The following DLG2 variants were observed in gnomAD, a reference collection of about 807,000 sequenced individuals.
DLG2 encodes the protein discs large MAGUK scaffold protein 2.
In DLG2, 45 loss-of-function variants were observed where a neutral mutation model predicts 132.5. The ratio of observed to expected loss-of-function variants is 0.34; its 90% CI spans 0.27 to 0.44. DLG2 has a LOEUF of 0.44. DLG2 is among the 20% of genes least tolerant of loss of function. The probability of loss-of-function intolerance (pLI) is 1.00; values close to 1 mark genes in which losing one functional copy is unlikely to be tolerated. For synonymous variants in DLG2, 424 were observed against 419.6 expected, an observed-to-expected ratio of 1.01 and a Z score of -0.13; for missense variants, 1,045 against 1,196.9, an observed-to-expected ratio of 0.87 and a Z score of 1.87.
At chr11:85,013,273 A>G (rs773146521) in intron 6 of DLG2, among the ~76,000 whole-genome samples, 1 of 152,152 alleles carries the variant, frequency 6.6e-6, no homozygotes, top group Non-Finnish European at 1.5e-5. Context: ...CTTTCAAGAT[A>G]GTCTCAAAAG....
chr11:83,813,515 C>T (rs1453759946), intron 17 of DLG2, among the ~76,000 whole-genome samples: 1 of 152,086 alleles, frequency 6.6e-6, no homozygotes, highest in Non-Finnish European at 1.5e-5. Context: ...TTTCACTCCA[C>T]CCACAGTGCT....
chr11:85,179,224 C>G (rs1246914934), intron 4 of DLG2, among the ~76,000 whole-genome samples: 1 of 151,706 alleles, frequency 6.6e-6, no homozygotes, highest in East Asian at 1.9e-4. Context: ...AAGCTTATAG[C>G]CAGCTAAATT....
chr11:85,517,327 T>C (rs1320504354), intron 3 of DLG2, among the ~76,000 whole-genome samples: 1 of 152,100 alleles, frequency 6.6e-6, no homozygotes, highest in Non-Finnish European at 1.5e-5. Context: ...GCCAATGTCA[T>C]ACTGAATGTG....
intron 6 of DLG2, among the ~76,000 whole-genome samples, chr11:85,059,420 A>T (rs1216790470): frequency 6.6e-6 from 1 of 151,592 alleles, no homozygotes; most frequent in Non-Finnish European, 1.5e-5. Flanking sequence ...CAGTTGAATA[A>T]ATGAAGGCAT....
At chr11:84,781,468 G>T (rs2071761974) in intron 6 of DLG2, among the ~76,000 whole-genome samples, 1 of 151,818 alleles carries the variant, frequency 6.6e-6, no homozygotes, top group Non-Finnish European at 1.5e-5. Context: ...TCTGTTTCAA[G>T]CTTTGTGGTA....
chr11:83,656,826 T>C (rs190825666), intron 18 of DLG2, among the ~76,000 whole-genome samples: 62 of 152,316 alleles, frequency 4.1e-4, no homozygotes, highest in Non-Finnish European at 8.7e-4. Context: ...GCTTAGGTTG[T>C]CAACCCCTTT....
At chr11:83,472,618 G>T in intron 23 of DLG2, 109 bp downstream of exon 23, 1 of 911,312 alleles carries the variant, frequency 1.1e-6, no homozygotes, top group South Asian at 1.6e-5. Context: ...CAAGACAACA[G>T]AGCATTAAGC....
chr11:84,830,352 A>T (rs1241481582), intron 6 of DLG2, among the ~76,000 whole-genome samples: 1 of 150,816 alleles, frequency 6.6e-6, no homozygotes, highest in East Asian at 2.0e-4. Context: ...TGAAATTTTG[A>T]CAGCAGGCGT....
intron 7 of DLG2, among the ~76,000 whole-genome samples, chr11:84,403,038 G>T (rs2098836234): frequency 6.6e-6 from 1 of 151,810 alleles, no homozygotes; most frequent in African/African-American, 2.4e-5. Context: ...GTGGTATAAA[G>T]TGTTCTCAGA....
chr11:84,748,809 G>A (rs1296942943), intron 6 of DLG2, among the ~76,000 whole-genome samples: 1 of 152,160 alleles, frequency 6.6e-6, no homozygotes, highest in Non-Finnish European at 1.5e-5. Flanking sequence ...AAGGCTATGA[G>A]AGGTTACACA....
In DLG2 at chr11:83,876,978, A is replaced by G. The variant is rs544269288; in HGVS notation, c.1497-2490T>C. On this transcript the variant is annotated intron_variant, in intron 15 of 27. Coordinates refer to ENST00000376104, the MANE Select transcript of DLG2 (RefSeq NM_001142699.3). ...GGGTGATGTTTACGGCTTTAATATT[A>G]TAAACAGTGCTGCAATGAACATGTT... Among the ~76,000 whole-genome samples the G allele has an allele frequency of 1.2e-3, 178 of 152,268 alleles. 1 individual carries two copies. The highest frequency in any genetic ancestry group is 4.2e-3 in the African/African-American group (173 of 41,570).
chr11:85,386,998 C>G (rs2086396607), intron 3 of DLG2, among the ~76,000 whole-genome samples: 1 of 150,484 alleles, frequency 6.6e-6, no homozygotes, highest in Non-Finnish European at 1.5e-5. Context: ...AGTGATTCTT[C>G]TGCCTCAGCC....
intron 6 of DLG2, among the ~76,000 whole-genome samples, chr11:84,963,182 G>A (rs141688956): frequency 6.7e-4 from 102 of 152,292 alleles, no homozygotes; most frequent in African/African-American, 2.3e-3. Flanking sequence ...TTTAGGTAAA[G>A]TGCTGCTGAC....
chr11:84,256,393 C>T (rs1356374184), intron 7 of DLG2, among the ~76,000 whole-genome samples: 5 of 152,062 alleles, frequency 3.3e-5, no homozygotes, highest in African/African-American at 4.8e-5. Context: ...AGCTTAGCTC[C>T]GAGAAGTGTA....
intron 15 of DLG2, among the ~76,000 whole-genome samples, chr11:83,895,876 C>T (rs1375452963): frequency 6.6e-6 from 1 of 152,340 alleles, no homozygotes; most frequent in Non-Finnish European, 1.5e-5. Context: ...AACCATAACA[C>T]ATTAACCATT....
chr11:84,307,992 G>C (rs2154385732), intron 7 of DLG2, among the ~76,000 whole-genome samples: 1 of 152,318 alleles, frequency 6.6e-6, no homozygotes, highest in African/African-American at 2.4e-5. Flanking sequence ...AGCTCACAAA[G>C]GCAGTGTGGA....
intron 7 of DLG2, among the ~76,000 whole-genome samples, chr11:84,269,483 C>G (rs1277201287): frequency 6.6e-6 from 1 of 152,162 alleles, no homozygotes; most frequent in Non-Finnish European, 1.5e-5. Context: ...TGCCCCTTCT[C>G]TGAATTCTTG....
intron 8 of DLG2, among the ~76,000 whole-genome samples, chr11:84,227,614 T>C (rs1168818715): frequency 1.3e-5 from 2 of 152,000 alleles, no homozygotes; most frequent in Non-Finnish European, 2.9e-5. Context: ...CCAGGCAGAG[T>C]TGGTGCTTTA....
intron 10 of DLG2, among the ~76,000 whole-genome samples, chr11:84,097,911 G>T (rs900404152): frequency 6.6e-6 from 1 of 151,838 alleles, no homozygotes; most frequent in Non-Finnish European, 1.5e-5. Flanking sequence ...ACCCCATGAG[G>T]GTAACTCTTA....
Sources: gnomAD v4.1 joint callset for allele counts (sites outside exome capture counted in the v4.1 genomes callset) on GRCh38, gnomAD v4.1.1 for gene constraint, MANE v1.5 for transcripts, NCBI Gene and HGNC (gene_info 2026-07-23, HGNC 2026-07-21) for gene names.